Variants in NELL1 observed in about 807,000 individuals in gnomAD.
The protein encoded by NELL1 is protein kinase C-binding protein NELL1.
A neutral mutation model predicts 107.4 loss-of-function variants in NELL1; 76 were observed. The ratio of observed to expected loss-of-function variants is 0.71; its 90% confidence interval spans 0.59 to 0.86. NELL1 has a LOEUF of 0.86. Among genes scored for constraint, NELL1 ranks in the 40% least tolerant of loss-of-function variants. The pLI is 0.00. For missense variants in NELL1, 1,024 were observed against 1,005.5 expected, an observed-to-expected ratio of 1.02 and a Z score of -0.25; for synonymous variants, 353 against 341.2, an observed-to-expected ratio of 1.03 and a Z score of -0.38.
chr11:21,303,233 G>C (rs1003103618), intron 14 of NELL1, among the ~76,000 whole-genome samples: 1 of 151,908 alleles, frequency 6.6e-6, no homozygotes, highest in African/African-American at 2.4e-5. Flanking sequence ...GAGAAAATAT[G>C]CTACCAGCTG....
chr11:20,690,589 T>A (rs1854436866), intron 2 of NELL1, among the ~76,000 whole-genome samples: 1 of 146,590 alleles, frequency 6.8e-6, no homozygotes. Flanking sequence ...GATCAGATAG[T>A]TGTAGATATG....
At chr11:20,878,090 G>A (rs2134096628) in intron 4 of NELL1, among the ~76,000 whole-genome samples, 1 of 152,232 alleles carries the variant, frequency 6.6e-6, no homozygotes, top group Non-Finnish European at 1.5e-5. Context: ...GCCGGGCGCG[G>A]TGGCTCACAC....
chr11:20,871,784 C>T (rs992532799), intron 4 of NELL1, among the ~76,000 whole-genome samples: 14 of 151,922 alleles, frequency 9.2e-5, no homozygotes, highest in African/African-American at 3.1e-4. Context: ...CTTTGGGAGG[C>T]CGAGGCGGGC....
At chr11:20,903,911 G>A (rs1849934307) in intron 5 of NELL1, among the ~76,000 whole-genome samples, 1 of 152,106 alleles carries the variant, frequency 6.6e-6, no homozygotes, top group African/African-American at 2.4e-5. Flanking sequence ...AAAGCTGTGA[G>A]GCATGTTTAC....
At chr11:20,855,326 T>G (rs1389326941) in intron 4 of NELL1, among the ~76,000 whole-genome samples, 1 of 152,220 alleles carries the variant, frequency 6.6e-6, no homozygotes, top group Non-Finnish European at 1.5e-5. Flanking sequence ...TCCTGGGCTT[T>G]CAAGTTTGCA....
chr11:21,162,228 C>T (rs1161006411), intron 13 of NELL1, among the ~76,000 whole-genome samples: 5 of 152,130 alleles, frequency 3.3e-5, no homozygotes, highest in East Asian at 1.9e-4. Context: ...GGATTACAGG[C>T]GTGAGCCACT....
chr11:20,804,761 C>G (rs1312216831), intron 3 of NELL1, among the ~76,000 whole-genome samples: 1 of 152,102 alleles, frequency 6.6e-6, no homozygotes. Context: ...ATTCTGCAGC[C>G]TTTGGATGAA....
chr11:20,754,260 G>A (rs879614652), intron 2 of NELL1, among the ~76,000 whole-genome samples: 5 of 152,146 alleles, frequency 3.3e-5, no homozygotes, highest in Non-Finnish European at 5.9e-5. Flanking sequence ...TTTCAGTAGG[G>A]CCTTTAACAG....
intron 2 of NELL1, among the ~76,000 whole-genome samples, chr11:20,714,600 C>A (rs1408323692): frequency 6.6e-6 from 1 of 151,970 alleles, no homozygotes; most frequent in Non-Finnish European, 1.5e-5. Flanking sequence ...CAGCTCACTG[C>A]AGCCTCGACC....
At chr11:21,141,198 C>A (rs1260153) in intron 13 of NELL1, among the ~76,000 whole-genome samples, 108,986 of 152,010 alleles carry the variant, frequency 0.72, 39,308 homozygotes, top group African/African-American at 0.77. Context: ...GTGATCTTGA[C>A]AATCAAATTT....
intron 2 of NELL1, among the ~76,000 whole-genome samples, chr11:20,694,302 G>A (rs181705791): frequency 2.2e-4 from 33 of 152,082 alleles, no homozygotes; most frequent in South Asian, 6.2e-4. Flanking sequence ...TGTTTTTCTT[G>A]TGATTGCTTT....
intron 14 of NELL1, among the ~76,000 whole-genome samples, chr11:21,285,642 G>A (rs1849098955): frequency 1.3e-5 from 2 of 152,190 alleles, no homozygotes; most frequent in African/African-American, 4.8e-5. Flanking sequence ...CTGGACTCAA[G>A]AGTGTAGAGG....
chr11:21,390,379 A>C (rs1188095344), intron 15 of NELL1, among the ~76,000 whole-genome samples: 5 of 149,612 alleles, frequency 3.3e-5, no homozygotes, highest in Admixed American at 3.3e-4. Flanking sequence ...TAATAATAAT[A>C]ATAATAATAA....
chr11:20,939,608 T>C (rs1564977238), intron 10 of NELL1, among the ~76,000 whole-genome samples: 1 of 152,166 alleles, frequency 6.6e-6, no homozygotes, highest in South Asian at 2.1e-4. Context: ...GACCCCTTTA[T>C]CCTCTGTGTA....
chr11:21,454,809 A>G (rs1419413405), intron 15 of NELL1, among the ~76,000 whole-genome samples: 1 of 152,192 alleles, frequency 6.6e-6, no homozygotes, highest in Non-Finnish European at 1.5e-5. Flanking sequence ...TCTTAAAGGG[A>G]CACTAATTTC....
intron 2 of NELL1, among the ~76,000 whole-genome samples, chr11:20,746,506 A>G (rs1856005779): frequency 6.6e-6 from 1 of 152,094 alleles, no homozygotes; most frequent in South Asian, 2.1e-4. Flanking sequence ...AGTATGTGGC[A>G]TACAGAGCCA....
chr11:21,228,136 T>G (rs1857941748), intron 13 of NELL1, among the ~76,000 whole-genome samples: 1 of 152,234 alleles, frequency 6.6e-6, no homozygotes, highest in African/African-American at 2.4e-5. Flanking sequence ...TTAAAATTTG[T>G]GAGAAGTTAT....
chr11:20,723,601 G>A (rs539965617), intron 2 of NELL1, among the ~76,000 whole-genome samples: 1 of 152,278 alleles, frequency 6.6e-6, no homozygotes, highest in South Asian at 2.1e-4. Context: ...GCTTTCATAG[G>A]TTGGTGTTGA....
At chr11:21,025,175 G>A (rs933919032) in intron 12 of NELL1, among the ~76,000 whole-genome samples, 2 of 151,946 alleles carry the variant, frequency 1.3e-5, no homozygotes, top group Admixed American at 6.6e-5. Context: ...ATGGTTATTT[G>A]TGCATCCATT....
Sources: allele counts gnomAD v4.1 joint callset (sites outside exome capture counted in the v4.1 genomes callset), GRCh38; gene constraint gnomAD v4.1.1; transcripts MANE v1.5; gene names NCBI Gene and HGNC (gene_info 2026-07-23, HGNC 2026-07-21).